Variants in JMJD1C observed in about 807,000 individuals in gnomAD.
The protein encoded by JMJD1C is jumonji domain containing 1C.
Under a neutral mutation model 245.3 loss-of-function variants are expected in JMJD1C, and 31 were observed. The ratio of observed to expected loss-of-function variants is 0.13; its 90% CI spans 0.09 to 0.17. JMJD1C has a LOEUF of 0.17. JMJD1C is among the 10% of genes least tolerant of loss of function. The probability of loss-of-function intolerance (pLI) is 1.00; values close to 1 mark genes in which losing one functional copy is unlikely to be tolerated. For synonymous variants in JMJD1C, 1,057 were observed against 1,017.4 expected, an observed-to-expected ratio of 1.04 and a Z score of -0.74; for missense variants, 2,691 against 3,000.2, an observed-to-expected ratio of 0.90 and a Z score of 2.41.
At chr10:63,204,050 G>C (rs1018967081) in intron 10 of JMJD1C, 3 of 916,688 alleles carry the variant, frequency 3.3e-6, no homozygotes, top group Middle Eastern at 5.5e-4. Flanking sequence ...AGGAGTTGGA[G>C]GCTGCTGTGC....
At chr10:63,413,238 C>T (rs1949592455) in intron 1 of JMJD1C, among the ~76,000 whole-genome samples, 1 of 152,132 alleles carries the variant, frequency 6.6e-6, no homozygotes, top group Non-Finnish European at 1.5e-5. Context: ...AGGTCAAAGA[C>T]AAGCAACCTT....
chr10:63,294,190 G>A (rs992524764), intron 2 of JMJD1C, among the ~76,000 whole-genome samples: 4 of 151,694 alleles, frequency 2.6e-5, no homozygotes, highest in South Asian at 2.1e-4. Context: ...GTAATTATGC[G>A]TATCTCACAT....
intron 1 of JMJD1C, among the ~76,000 whole-genome samples, chr10:63,507,958 T>C (rs944110311): frequency 6.6e-6 from 1 of 152,244 alleles, no homozygotes; most frequent in South Asian, 2.1e-4. Context: ...ATTATTTGTA[T>C]ATTTTAAGTA....
chr10:63,212,491 T>C (rs369639126), intron 8 of JMJD1C, among the ~76,000 whole-genome samples: 1 of 152,164 alleles, frequency 6.6e-6, no homozygotes, highest in Non-Finnish European at 1.5e-5. Context: ...CATTTTTTAG[T>C]GTAAAAATGA....
intron 1 of JMJD1C, among the ~76,000 whole-genome samples, chr10:63,391,440 G>A (rs1444296279): frequency 2.0e-5 from 3 of 152,062 alleles, no homozygotes; most frequent in Admixed American, 6.6e-5. Context: ...AACTCGGGAG[G>A]CAGAGCTTGC....
Position 63,193,481 on chromosome 10 carries a change from TA to T in JMJD1C, c.5735-10del. ...TAGAAGATCTGTCAAAACTACAAAA[TA>T]AAATGGTAGTTAATAAAAAGATTAC... On this transcript the variant is annotated splice_polypyrimidine_tract_variant and intron_variant, in intron 14 of 25. Transcript: ENST00000399262. 1 of 1,567,464 alleles carries T rather than the reference TA, an allele frequency of 6.4e-7. No homozygotes were observed. Among genetic ancestry groups the T allele is most frequent in the Non-Finnish European group, 8.6e-7 (1 of 1,157,872 alleles).
intron 2 of JMJD1C, among the ~76,000 whole-genome samples, chr10:63,317,166 T>G (rs1191829096): frequency 6.6e-6 from 1 of 151,974 alleles, no homozygotes; most frequent in Non-Finnish European, 1.5e-5. Context: ...CAGTCAGCAT[T>G]TATCATTTCT....
chr10:63,507,661 A>AAAAAAAAAAAAAC (rs1564978096), intron 1 of JMJD1C, among the ~76,000 whole-genome samples: 9 of 150,710 alleles, frequency 6.0e-5, no homozygotes, highest in Non-Finnish European at 1.3e-4. Context: ...AAAAAAAAAA[A>AAAAAAAAAAAAAC]AACAGTGGCT....
rs200858737 is a variant in JMJD1C at position 63,208,357 on chromosome 10, T to C, written c.3312A>G (p.Glu1104=). ...CTTTGGATGGGTATGATCTTGGTGG[T>C]TCATTGACCACACTATTAGACAATG... The part of the protein sequence containing the change: ...FTTLSNSVVN[E]PPRSYPSKEV... The change falls in exon 10 of 26, where the codon GAA becomes GAG. Residue 1104 remains glutamate, a synonymous_variant. Coordinates refer to ENST00000399262, the MANE Select transcript of JMJD1C (RefSeq NM_032776.3). The C allele has an allele frequency of 3.1e-6, 5 of 1,614,044 alleles. No homozygotes were observed. The highest frequency in any genetic ancestry group is 4.2e-6 in the Non-Finnish European group (5 of 1,179,884).
At chr10:63,183,757 C>A (rs1235515566) in intron 21 of JMJD1C, among the ~76,000 whole-genome samples, 188 bp from the exon 22 acceptor site, 1 of 151,958 alleles carries the variant, frequency 6.6e-6, no homozygotes, top group Non-Finnish European at 1.5e-5. Context: ...AATTACATTT[C>A]TATAATAAAA....
intron 24 of JMJD1C, among the ~76,000 whole-genome samples, chr10:63,175,961 TAA>T (rs1181745092): frequency 6.6e-6 from 1 of 152,150 alleles, no homozygotes; most frequent in Non-Finnish European, 1.5e-5. Flanking sequence ...TAAAGCCTGA[TAA>T]AAAGTCTGTA....
chr10:63,475,995 G>C (rs747388948), intron 1 of JMJD1C, among the ~76,000 whole-genome samples: 1 of 151,934 alleles, frequency 6.6e-6, no homozygotes, highest in Non-Finnish European at 1.5e-5. Flanking sequence ...GATCATTTAA[G>C]GTCAGGAATT....
chr10:63,355,383 T>A (rs1024777817), intron 2 of JMJD1C, among the ~76,000 whole-genome samples: 14 of 152,342 alleles, frequency 9.2e-5, no homozygotes, highest in East Asian at 3.9e-4. Context: ...TTTGTGTGCA[T>A]ATGTGTGCGC....
intron 1 of JMJD1C, among the ~76,000 whole-genome samples, chr10:63,407,455 T>TTAAA (rs1210936329): frequency 6.6e-6 from 1 of 152,098 alleles, no homozygotes; most frequent in Non-Finnish European, 1.5e-5. Context: ...CCTAACCACT[T>TTAAA]TAAAAAAATC....
chr10:63,282,133 ATC>A (rs1857480817), intron 2 of JMJD1C, among the ~76,000 whole-genome samples: 1 of 152,174 alleles, frequency 6.6e-6, no homozygotes, highest in Admixed American at 6.5e-5. Flanking sequence ...TCTGGCAAAC[ATC>A]TGTTTCTTGT....
At chr10:63,266,405 A>T (rs1855577844) in intron 2 of JMJD1C, among the ~76,000 whole-genome samples, 1 of 152,062 alleles carries the variant, frequency 6.6e-6, no homozygotes, top group South Asian at 2.1e-4. Flanking sequence ...AATCCTATTT[A>T]TTATTTTACT....
At chr10:63,210,453 TAATAA>T (rs1426039971) in intron 8 of JMJD1C, among the ~76,000 whole-genome samples, 1 of 152,206 alleles carries the variant, frequency 6.6e-6, no homozygotes, top group Non-Finnish European at 1.5e-5. Flanking sequence ...TATGACCAGT[TAATAA>T]AATATTTTAT....
chr10:63,494,995 A>C (rs748481544), intron 1 of JMJD1C, among the ~76,000 whole-genome samples: 1 of 152,196 alleles, frequency 6.6e-6, no homozygotes, highest in Non-Finnish European at 1.5e-5. Context: ...TTCCATACAA[A>C]AGTCAAACAA....
At chr10:63,323,776 A>T (rs1468519196) in intron 2 of JMJD1C, among the ~76,000 whole-genome samples, 4 of 152,208 alleles carry the variant, frequency 2.6e-5, no homozygotes, top group Admixed American at 6.5e-5. Context: ...AAACAGGACC[A>T]ATAGAGTGTG....
Sources: allele counts gnomAD v4.1 joint callset (sites outside exome capture counted in the v4.1 genomes callset), GRCh38; gene constraint gnomAD v4.1.1; transcripts MANE v1.5; gene names NCBI Gene and HGNC (gene_info 2026-07-23, HGNC 2026-07-21).